The following RIMBP2 variants were observed in gnomAD, a reference collection of about 807,000 sequenced individuals.
The protein encoded by RIMBP2 is RIMS-binding protein 2.
A neutral mutation model predicts 118.6 loss-of-function variants in RIMBP2; 48 were observed. The ratio of observed to expected loss-of-function variants is 0.40; its 90% confidence interval spans 0.32 to 0.51. The LOEUF is 0.51. Among genes scored for constraint, RIMBP2 ranks in the 20% least tolerant of loss-of-function variants. The pLI, the probability that RIMBP2 is intolerant of heterozygous loss-of-function variation, is 0.41. For missense variants in RIMBP2, 1,551 were observed against 1,768.3 expected, an observed-to-expected ratio of 0.88 and a Z score of 2.20; for synonymous variants, 762 against 742.9, an observed-to-expected ratio of 1.03 and a Z score of -0.42.
chr12:130,609,733 C>T (rs980139224), intron 2 of RIMBP2, among the ~76,000 whole-genome samples: 9 of 152,154 alleles, frequency 5.9e-5, no homozygotes, highest in Admixed American at 3.3e-4. Flanking sequence ...CAGAAGCCAA[C>T]GGTATCGCTC....
intron 2 of RIMBP2, among the ~76,000 whole-genome samples, chr12:130,567,484 C>T (rs1030398336): frequency 2.0e-5 from 3 of 152,208 alleles, no homozygotes; most frequent in East Asian, 3.8e-4. Flanking sequence ...CTGGAACCCA[C>T]CCTTCTATCC....
intron 2 of RIMBP2, among the ~76,000 whole-genome samples, chr12:130,528,432 A>C (rs2053036359): frequency 6.6e-6 from 1 of 152,154 alleles, no homozygotes; most frequent in Non-Finnish European, 1.5e-5. Flanking sequence ...GGGGAACAAC[A>C]CACACTGGGG....
rs1445386682 is a variant in RIMBP2, at chr12:130,422,399, G to C, written c.3238+54C>G. The C allele has an allele frequency of 1.6e-6, 2 of 1,271,852 alleles. No individual in the cohort carries two copies. The highest frequency in any genetic ancestry group is 2.3e-6 in the Non-Finnish European group (2 of 884,042). 78.8% of individuals were successfully genotyped at this position (1,271,852 alleles called of 1,614,324 possible). A position where few individuals can be genotyped will look rare whatever the true frequency, so the allele number is the denominator to read the frequency against. Reference sequence around the variant, plus strand: ...TTTTGTTCATGCTTAGATGGAGTAAGCAGCCACATGCTCCGCGGCTGAAAG... The same window carrying C: ...TTTTGTTCATGCTTAGATGGAGTAACCAGCCACATGCTCCGCGGCTGAAAG... On this transcript the variant is annotated intron_variant, in intron 17 of 22. Coordinates refer to ENST00000690449, the MANE Select transcript of RIMBP2 (RefSeq NM_001393629.1). This position sits in a 1 kb window ranked among gnomAD's most constrained non-coding sequence, Gnocchi z 5.2.
At chr12:130,666,315 G>A (rs946070159) in intron 1 of RIMBP2, among the ~76,000 whole-genome samples, 7 of 152,110 alleles carry the variant, frequency 4.6e-5, no homozygotes, top group Non-Finnish European at 8.8e-5. Context: ...CTTCTAAGGG[G>A]CTTGGCACAG....
Position 130,659,354 on chromosome 12 carries a change from G to A in RIMBP2, c.-351-30898C>T, listed in dbSNP as rs192626435. On this transcript the variant is annotated intron_variant, in intron 1 of 22. Transcript: ENST00000690449. ...TGGGAGGCCAAGGCAGGTGGATCAC[G>A]AGGTCAGGAGATCGAGACCATCCTG... Among the ~76,000 whole-genome samples the A allele has an allele frequency of 3.3e-5, 5 of 151,236 alleles. No homozygotes were observed. In the East Asian group the frequency reaches 8.0e-4, roughly 24 times the overall value.
rs371818815 is a variant in RIMBP2, at chr12:130,438,499, G to T, written c.1522C>A (p.Gln508Lys). 6.2e-7 allele frequency: 1 copy of T among 1,606,690 alleles called. No homozygotes were observed. Among genetic ancestry groups the T allele is most frequent in the East Asian group, 2.2e-5 (1 of 44,688 alleles). Reference sequence around the variant, plus strand: ...ACCCCAGCCTGGACGGTAACATCTTGTGGGGGTGCTGGGGGTCCTGGGAGG... The same window carrying T: ...ACCCCAGCCTGGACGGTAACATCTTTTGGGGGTGCTGGGGGTCCTGGGAGG... ...TLPAGPPAPP[Q>K]DVTVQAGVTP... Residue 508 changes from glutamine (Q) to lysine (K), a missense_variant, in exon 12 of 23, where the codon CAA becomes AAA. Physicochemically the swap from Gln to Lys is moderately conservative, Grantham distance 53 (BLOSUM62 1). Around this residue, in one of 5 missense-constraint regions of RIMBP2, gnomAD observed 1,038 missense variants for 1,125.1 expected, o/e 0.92. Coordinates refer to ENST00000690449, the MANE Select transcript of RIMBP2 (RefSeq NM_001393629.1).
At chr12:130,590,496 A>T (rs1406477868) in intron 2 of RIMBP2, among the ~76,000 whole-genome samples, 1 of 152,040 alleles carries the variant, frequency 6.6e-6, no homozygotes, top group Non-Finnish European at 1.5e-5. Context: ...TCTTCAATCC[A>T]CCCAAGGGCT....
At position 130,434,683 on chromosome 12, in the gene RIMBP2, T is replaced by C. The variant is rs1292610867; in HGVS notation, c.2253+51A>G. ...GTCTCTTGATCTCCACGGGGCCCGC[T>C]CCGAGCCCGCGCCCACCAGGAGGAT... On this transcript the variant is annotated intron_variant, in intron 14 of 22. Coordinates refer to ENST00000690449, the MANE Select transcript of RIMBP2 (RefSeq NM_001393629.1). The surrounding 1 kb of genome is among the most constrained non-coding windows in gnomAD (Gnocchi z 5.7). 6.4e-7 allele frequency: 1 copy of C among 1,571,042 alleles called. No individual in the cohort carries two copies. The highest frequency in any genetic ancestry group is 1.1e-5 in the South Asian group (1 of 87,256).
intron 2 of RIMBP2, among the ~76,000 whole-genome samples, chr12:130,559,142 CA>C (rs2056612144): frequency 6.6e-6 from 1 of 152,060 alleles, no homozygotes; most frequent in Non-Finnish European, 1.5e-5. Flanking sequence ...ATTAATGTGT[CA>C]ATCTCCTTAT....
intron 3 of RIMBP2, among the ~76,000 whole-genome samples, chr12:130,516,715 A>T (rs1164326856): frequency 6.6e-6 from 1 of 152,160 alleles, no homozygotes; most frequent in Non-Finnish European, 1.5e-5. Context: ...CAAGGAACAA[A>T]AGTAAGTCAG....
intron 1 of RIMBP2, among the ~76,000 whole-genome samples, chr12:130,649,200 C>A (rs1310050704): frequency 6.8e-6 from 1 of 146,042 alleles, no homozygotes; most frequent in Non-Finnish European, 1.6e-5. Flanking sequence ...CCGTGCCAAG[C>A]GCGTGTGTGA....
chr12:130,689,436 AAATT>A (rs1018376653), intron 1 of RIMBP2, among the ~76,000 whole-genome samples: 24 of 152,160 alleles, frequency 1.6e-4, no homozygotes, highest in African/African-American at 5.6e-4. Flanking sequence ...TCCATCTCAA[AAATT>A]AATTAATTAA....
chr12:130,583,802 C>A (rs944743777), intron 2 of RIMBP2, among the ~76,000 whole-genome samples: 1 of 87,262 alleles, frequency 1.1e-5, no homozygotes, highest in Non-Finnish European at 3.0e-5. Context: ...TCACCACCAC[C>A]GCCATCACCT....
chr12:130,555,298 A>T (rs1214206334), intron 2 of RIMBP2, among the ~76,000 whole-genome samples: 1 of 152,102 alleles, frequency 6.6e-6, no homozygotes, highest in African/African-American at 2.4e-5. Flanking sequence ...AAATTTAAAA[A>T]ATAATAATAA....
intron 4 of RIMBP2, among the ~76,000 whole-genome samples, chr12:130,494,165 C>T (rs1200143252): frequency 1.2e-4 from 19 of 152,304 alleles, no homozygotes; most frequent in African/African-American, 2.6e-4. Context: ...TGTATCACTG[C>T]GCTGGGGACA....
chr12:130,715,082 A>G (rs1950235377), intron 1 of RIMBP2, among the ~76,000 whole-genome samples: 1 of 151,982 alleles, frequency 6.6e-6, no homozygotes, highest in Middle Eastern at 3.2e-3. Context: ...CCGATCTTCC[A>G]TTTTCAGAGG....
chr12:130,580,870 G>A (rs570241070), intron 2 of RIMBP2, among the ~76,000 whole-genome samples: 1 of 152,304 alleles, frequency 6.6e-6, no homozygotes, highest in East Asian at 1.9e-4. Flanking sequence ...AACCCTGGGG[G>A]CGGAGGTTGC....
chr12:130,602,172 C>T (rs1593990332), intron 2 of RIMBP2, among the ~76,000 whole-genome samples: 3 of 152,342 alleles, frequency 2.0e-5, no homozygotes, highest in South Asian at 4.1e-4. Context: ...AATATTTATA[C>T]AGTGCTAACT....
Position 130,438,327 on chromosome 12 carries a change from C to T in RIMBP2, c.1656+38G>A, listed in dbSNP as rs182847936. ...CGGGCCGGTCCCTGCTGCGTTAGGG[C>T]CTAACAAACCCTCCCCACCCACCCA... On this transcript the variant is annotated intron_variant, in intron 12 of 22. Transcript: ENST00000690449. 2.6e-3 allele frequency: 3,843 copies of T among 1,462,804 alleles called. 44 individuals are homozygous for T. The highest frequency in any genetic ancestry group is 3.2e-3 in the South Asian group (282 of 88,024). 90.6% of individuals were successfully genotyped at this position (1,462,804 alleles called of 1,614,324 possible).
Sources: allele counts gnomAD v4.1 joint callset (sites outside exome capture counted in the v4.1 genomes callset), GRCh38; gene constraint gnomAD v4.1.1; regional missense constraint gnomAD v4.1.1; non-coding constraint Gnocchi (gnomAD v3.1); transcripts MANE v1.5; gene names NCBI Gene and HGNC (gene_info 2026-07-23, HGNC 2026-07-21).